RRM2: variants seen among roughly 807,000 people sequenced by gnomAD.
The protein encoded by RRM2 is ribonucleoside-diphosphate reductase subunit M2.
In RRM2, 6 loss-of-function variants were observed where a neutral mutation model predicts 45.9. The ratio of observed to expected loss-of-function variants is 0.13; its 90% CI spans 0.07 to 0.26. RRM2 has a LOEUF of 0.26. Among genes scored for constraint, RRM2 ranks in the 10% least tolerant of loss-of-function variants. The pLI, the probability that RRM2 is intolerant of heterozygous loss-of-function variation, is 1.00. For missense variants in RRM2, 343 were observed against 489.5 expected (o/e 0.70, Z 2.82); for synonymous variants, 177 against 173.0 (o/e 1.02, Z -0.18).
At chr2:10,206,283 A>G (rs895951750) in intron 3 of RRM2, among the ~76,000 whole-genome samples, 3 of 151,972 alleles carry the variant, frequency 2.0e-5, no homozygotes, top group African/African-American at 7.2e-5. Context: ...TGTCTAACCT[A>G]TGACCCAGAA....
chr2:10,139,845 C>T (rs566532510), upstream of RRM2, among the ~76,000 whole-genome samples: 1 of 152,240 alleles, frequency 6.6e-6, no homozygotes, highest in East Asian at 1.9e-4. Context: ...CCTTCCTCCA[C>T]CCCTGGATCC....
intron 3 of RRM2, among the ~76,000 whole-genome samples, chr2:10,191,761 A>C (rs985270900): frequency 6.6e-6 from 1 of 152,098 alleles, no homozygotes; most frequent in African/African-American, 2.4e-5. Context: ...GGCCATGCGC[A>C]CTGGGAATAA....
downstream of RRM2, among the ~76,000 whole-genome samples, chr2:10,132,431 T>C (rs1178635920): frequency 2.0e-5 from 3 of 152,066 alleles, no homozygotes; most frequent in African/African-American, 7.2e-5. Flanking sequence ...GTTTCCTTAG[T>C]GGAGGGGACT....
intron 3 of RRM2, among the ~76,000 whole-genome samples, chr2:10,144,843 C>T (rs974947954): frequency 2.6e-5 from 4 of 152,112 alleles, no homozygotes; most frequent in Non-Finnish European, 2.9e-5. Context: ...GCCAGCCCCT[C>T]GAGGGAAGTC....
upstream of RRM2, among the ~76,000 whole-genome samples, chr2:10,141,221 T>C (rs188857549): frequency 4.1e-3 from 620 of 152,266 alleles, 4 homozygotes; most frequent in African/African-American, 0.014. Context: ...TGGAGCCCGA[T>C]GGACCCAGCC....
chr2:10,137,925 A>G (rs188426058), upstream of RRM2, among the ~76,000 whole-genome samples: 14 of 152,286 alleles, frequency 9.2e-5, no homozygotes, highest in South Asian at 2.1e-4. Flanking sequence ...GTGGGTCCCA[A>G]TGTTACTGAA....
chr2:10,209,599 G>A (rs1318178695), intron 3 of RRM2, among the ~76,000 whole-genome samples: 10 of 110,996 alleles, frequency 9.0e-5, no homozygotes, highest in African/African-American at 1.5e-4. Context: ...GTGCGCGCGC[G>A]TGTGTGTGCG....
At chr2:10,135,633 G>C (rs1662975927), downstream of RRM2, among the ~76,000 whole-genome samples, 1 of 152,118 alleles carries the variant, frequency 6.6e-6, no homozygotes, top group South Asian at 2.1e-4. Flanking sequence ...AAGCACAGTA[G>C]ATGTAAATAA....
chr2:10,152,734 C>T (rs1056846094), intron 3 of RRM2, among the ~76,000 whole-genome samples: 22 of 152,044 alleles, frequency 1.4e-4, no homozygotes, highest in African/African-American at 4.3e-4. Context: ...TTGCCTGCCT[C>T]GGCCTCCCAA....
rs746974999 is a variant in RRM2, at chr2:10,168,036, G to GTTTT, written n.482+25674_482+25677dup. ...CAGTAGAAAAGACAAAGGCTTTTCT[G>GTTTT]TTTTTTTTTTTTTTTTGCCTTAAGC... On this transcript the variant is annotated intron_variant and non_coding_transcript_variant, in intron 3 of 3. Transcript: ENST00000381786. 4.7e-3 allele frequency among the ~76,000 whole-genome samples: 627 copies of GTTTT among 134,454 alleles called. 7 individuals carry two copies. Among genetic ancestry groups the GTTTT allele is most frequent in the African/African-American group, 0.016 (561 of 35,908 alleles). 88.2% of individuals were successfully genotyped at this position (134,454 alleles called of 152,430 possible).
At chr2:10,210,316 C>G in exon 4 of RRM2, 1 of 1,366,676 alleles carries the variant, frequency 7.3e-7, no homozygotes. Flanking sequence ...ATCAGTCTTC[C>G]AGGATCTCAA....
Position 10,126,690 on chromosome 2 carries a change from A to G in RRM2, c.570-185A>G, listed in dbSNP as rs1285879352. On this transcript the variant is annotated intron_variant, in intron 5 of 9. Transcript: ENST00000304567. ...ATGTAAATCAAGTGTTGAGGTTTTT[A>G]AAAGAACACTGGAGGGAAAAACTGA... 6 of 603,264 alleles carry G rather than the reference A, an allele frequency of 9.9e-6. No homozygotes were observed. The East Asian group carries it at 1.6e-4, about 16-fold the overall frequency. The allele number at this position is 603,264 out of a possible 1,614,324, so 37.4% of individuals were successfully genotyped here. A position where few individuals can be genotyped will look rare whatever the true frequency, so the allele number is the denominator to read the frequency against.
intron 3 of RRM2, among the ~76,000 whole-genome samples, chr2:10,148,288 T>TG (rs34676661): frequency 0.64 from 96,557 of 151,908 alleles, 31,233 homozygotes; most frequent in African/African-American, 0.7. Context: ...TCACTCACAT[T>TG]GCCCTACAGG....
chr2:10,141,633 C>T (rs1045061999), exon 1 of RRM2: 24 of 601,336 alleles, frequency 4.0e-5, no homozygotes, highest in Middle Eastern at 9.0e-4. Flanking sequence ...CAAGATCACA[C>T]GGAGGAGGGT....
chr2:10,199,993 C>T (rs1269408057), intron 3 of RRM2, among the ~76,000 whole-genome samples: 1 of 151,882 alleles, frequency 6.6e-6, no homozygotes, highest in Non-Finnish European at 1.5e-5. Flanking sequence ...CCACCATGCC[C>T]AGCTAATTTT....
intron 3 of RRM2, among the ~76,000 whole-genome samples, chr2:10,152,853 G>A (rs1390541517): frequency 1.3e-5 from 2 of 152,100 alleles, no homozygotes; most frequent in Admixed American, 1.3e-4. Flanking sequence ...TGGTGGGGGT[G>A]TCGATTGGTA....
At chr2:10,166,433 A>G (rs551335064) in intron 3 of RRM2, among the ~76,000 whole-genome samples, 3 of 152,304 alleles carry the variant, frequency 2.0e-5, no homozygotes, top group African/African-American at 7.2e-5. Context: ...CTGAACACCA[A>G]GCTGCCCTGA....
At chr2:10,131,505 A>G (rs1487327913), downstream of RRM2, 1 of 152,170 alleles carries the variant, frequency 6.6e-6, no homozygotes, top group East Asian at 1.9e-4. Context: ...TTGGGAGACC[A>G]AGGTAGGCAG....
rs1413682190 is a variant in RRM2, at chr2:10,204,308, G to A, written n.483-6003G>A. 6.6e-6 allele frequency among the ~76,000 whole-genome samples: 1 copy of A among 152,204 alleles called. No homozygotes were observed. The highest frequency in any genetic ancestry group is 1.9e-4 in the East Asian group (1 of 5,180). Reference sequence around the variant, plus strand: ...GTGGGATCAGAGGAGCCTTCTTGGAGGAGGTGATGCTGGGCGAGTGTTAAA... The same window carrying A: ...GTGGGATCAGAGGAGCCTTCTTGGAAGAGGTGATGCTGGGCGAGTGTTAAA... On this transcript the variant is annotated intron_variant and non_coding_transcript_variant, in intron 3 of 3. Transcript: ENST00000381786. The surrounding 1 kb of genome is among the most constrained non-coding windows in gnomAD (Gnocchi z 4.0).
Sources: allele counts gnomAD v4.1 joint callset (sites outside exome capture counted in the v4.1 genomes callset), GRCh38; gene constraint gnomAD v4.1.1; non-coding constraint Gnocchi (gnomAD v3.1); transcripts MANE v1.5; gene names NCBI Gene and HGNC (gene_info 2026-07-23, HGNC 2026-07-21).